Variants in PTPRK observed in about 807,000 individuals in gnomAD.
PTPRK encodes the protein protein tyrosine phosphatase receptor type K.
A neutral mutation model predicts 178.0 loss-of-function variants in PTPRK; 75 were observed. The observed-to-expected ratio is 0.42, with a 90% CI of 0.35 to 0.51. The LOEUF (loss-of-function observed/expected upper bound fraction) is 0.51. PTPRK is among the 20% of genes least tolerant of loss of function. PTPRK has a pLI of 0.02. For synonymous variants in PTPRK, 637 were observed against 620.6 expected, an observed-to-expected ratio of 1.03 and a Z score of -0.39; for missense variants, 1,441 against 1,797.8, an observed-to-expected ratio of 0.80 and a Z score of 3.59.
intron 8 of PTPRK, among the ~76,000 whole-genome samples, chr6:128,085,915 CACAA>C (rs1305945000): frequency 3.9e-5 from 6 of 152,236 alleles, no homozygotes; most frequent in East Asian, 3.9e-4. Flanking sequence ...GAGGTGTGAG[CACAA>C]ACAAAGTAGA....
intron 3 of PTPRK, among the ~76,000 whole-genome samples, chr6:128,255,503 T>C (rs1414342771): frequency 3.3e-5 from 5 of 152,210 alleles, no homozygotes; most frequent in African/African-American, 1.2e-4. Context: ...TTAGGAGGAC[T>C]GAAAGAGCCA....
intron 11 of PTPRK, 84 bp from the exon 12 acceptor site, chr6:128,067,876 T>G: frequency 7.7e-7 from 1 of 1,294,372 alleles, no homozygotes; most frequent in Non-Finnish European, 1.0e-6. Context: ...TTTAAGGGGT[T>G]GACTATTAAC....
intron 3 of PTPRK, among the ~76,000 whole-genome samples, chr6:128,266,874 A>G (rs1265027512): frequency 6.6e-6 from 1 of 152,130 alleles, no homozygotes; most frequent in African/African-American, 2.4e-5. Flanking sequence ...GTGGGATGTG[A>G]AGGAGGAATA....
intron 6 of PTPRK, among the ~76,000 whole-genome samples, chr6:128,209,565 T>C (rs1489602837): frequency 2.0e-5 from 3 of 152,152 alleles, no homozygotes; most frequent in Non-Finnish European, 2.9e-5. Flanking sequence ...ACACATTAAA[T>C]TCATGTCATT....
At chr6:128,338,689 C>T (rs1831270708) in intron 2 of PTPRK, among the ~76,000 whole-genome samples, 1 of 151,946 alleles carries the variant, frequency 6.6e-6, no homozygotes, top group African/African-American at 2.4e-5. Flanking sequence ...AGAAGGAAAT[C>T]TTTATGCTGC....
chr6:128,470,432 A>G (rs942587475), intron 1 of PTPRK, among the ~76,000 whole-genome samples: 6 of 152,004 alleles, frequency 3.9e-5, no homozygotes, highest in Admixed American at 3.9e-4. Context: ...TAGTCATGTT[A>G]AAATCAATCC....
At chr6:128,261,460 G>T (rs1259420213) in intron 3 of PTPRK, among the ~76,000 whole-genome samples, 1 of 152,092 alleles carries the variant, frequency 6.6e-6, no homozygotes, top group Non-Finnish European at 1.5e-5. Context: ...ATTTCTTTAT[G>T]AAATCCATTG....
At chr6:128,313,225 T>C (rs1185900928) in intron 3 of PTPRK, among the ~76,000 whole-genome samples, 2 of 152,152 alleles carry the variant, frequency 1.3e-5, no homozygotes, top group Admixed American at 1.3e-4. Context: ...ATAAAAATAG[T>C]TGTACTTTTC....
chr6:128,266,773 C>T (rs1819017466), intron 3 of PTPRK, among the ~76,000 whole-genome samples: 3 of 152,228 alleles, frequency 2.0e-5, no homozygotes, highest in East Asian at 3.9e-4. Flanking sequence ...CAGCTTTCAA[C>T]TCGGAAGTTT....
chr6:127,970,277 G>T lies in PTPRK; in HGVS notation c.4273C>A (p.Gln1425Lys). ...SKPNMVEAPE[Q>K]YRFCYDVALE... ...GCTACATCATAGCAGAAACGGTATT[G>T]CTCCTGAAAGATGTCAAAACACAAA... Residue 1425 changes from glutamine (Q) to lysine (K), a missense_variant, in exon 30 of 30, where the codon CAA becomes AAA. Gln to Lys is a moderately conservative substitution (Grantham distance 53). Coordinates refer to ENST00000368226, the MANE Select transcript of PTPRK (RefSeq NM_002844.4). 6.2e-7 allele frequency: 1 copy of T among 1,609,802 alleles called. No homozygotes were observed. The highest frequency in any genetic ancestry group is 8.5e-7 in the Non-Finnish European group (1 of 1,177,436).
chr6:128,210,660 T>C (rs781561525), intron 6 of PTPRK, among the ~76,000 whole-genome samples: 20 of 152,090 alleles, frequency 1.3e-4, no homozygotes, highest in Non-Finnish European at 2.2e-4. Context: ...AGTCAGGGGA[T>C]ATTTCATTTA....
At chr6:128,454,080 C>T (rs1178250848) in intron 1 of PTPRK, among the ~76,000 whole-genome samples, 2 of 152,132 alleles carry the variant, frequency 1.3e-5, no homozygotes, top group Admixed American at 6.6e-5. Flanking sequence ...CGGTCTTCAG[C>T]GAAGGGCAAA....
intron 13 of PTPRK, among the ~76,000 whole-genome samples, chr6:128,050,562 A>G (rs768400784): frequency 6.6e-6 from 1 of 152,218 alleles, no homozygotes; most frequent in Non-Finnish European, 1.5e-5. Context: ...ATGTAACCAC[A>G]TGACTATTTA....
intron 7 of PTPRK, among the ~76,000 whole-genome samples, chr6:128,135,111 C>T (rs1794831292): frequency 6.6e-6 from 1 of 151,874 alleles, no homozygotes; most frequent in African/African-American, 2.4e-5. Flanking sequence ...CACACACACA[C>T]ACACTCTCCT....
chr6:128,122,352 A>C (rs564439937), intron 7 of PTPRK, among the ~76,000 whole-genome samples: 1 of 152,224 alleles, frequency 6.6e-6, no homozygotes, highest in Admixed American at 6.5e-5. Flanking sequence ...AGAAGATAAG[A>C]GTATATTAGA....
chr6:128,140,213 T>C (rs192580616), intron 7 of PTPRK, among the ~76,000 whole-genome samples: 3 of 152,196 alleles, frequency 2.0e-5, no homozygotes, highest in Admixed American at 2.0e-4. Flanking sequence ...CTCTGAAGAA[T>C]AACCCTAAGC....
Position 128,322,189 on chromosome 6 carries a change from C to T in PTPRK, c.345G>A (p.Gln115=). 1 of 1,613,932 alleles carries T rather than the reference C, an allele frequency of 6.2e-7. No individual in the cohort carries two copies. The highest frequency in any genetic ancestry group is 1.1e-5 in the South Asian group (1 of 91,086). The change falls in exon 3 of 30, where the codon CAG becomes CAA. Residue 115 remains glutamine (Q), a synonymous_variant. Coordinates refer to ENST00000368226, the MANE Select transcript of PTPRK (RefSeq NM_002844.4). ...CIDFSYLLYS[Q]KGLNPGTLNI... is the part of the protein sequence containing the mutation. ...TCAAAGTGCCAGGATTCAGTCCTTTCTGGCTATATAATAGGTAACTGAAAT... is the reference window on the plus strand; with the variant it reads ...TCAAAGTGCCAGGATTCAGTCCTTTTTGGCTATATAATAGGTAACTGAAAT...
chr6:128,365,918 A>C (rs1297763746), intron 2 of PTPRK, among the ~76,000 whole-genome samples: 1 of 152,156 alleles, frequency 6.6e-6, no homozygotes, highest in Admixed American at 6.6e-5. Flanking sequence ...CTTGTGACAC[A>C]GTCTCAAGCA....
chr6:128,348,509 G>T (rs965735177), intron 2 of PTPRK, among the ~76,000 whole-genome samples: 2 of 149,972 alleles, frequency 1.3e-5, no homozygotes, highest in South Asian at 2.1e-4. Context: ...TATGTTTATT[G>T]TATTTTATTC....
Sources: allele counts gnomAD v4.1 joint callset (sites outside exome capture counted in the v4.1 genomes callset), GRCh38; gene constraint gnomAD v4.1.1; transcripts MANE v1.5; gene names NCBI Gene and HGNC (gene_info 2026-07-23, HGNC 2026-07-21).